The following CDKN2B-AS1 variants were observed in gnomAD, a reference collection of about 807,000 sequenced individuals.
CDKN2B-AS1 encodes the protein CDKN2B antisense RNA 1 (non-protein coding).
chr9:22,004,093 A>C (rs1228362561), intron 1 of CDKN2B-AS1: 2 of 232,412 alleles, frequency 8.6e-6, no homozygotes, highest in South Asian at 3.6e-4. Context: ...CCTATCTCTC[A>C]GGTTTAAATA....
chr9:22,101,887 A>G (rs1448130455), intron 4 of CDKN2B-AS1, among the ~76,000 whole-genome samples: 1 of 152,200 alleles, frequency 6.6e-6, no homozygotes, highest in Non-Finnish European at 1.5e-5. Flanking sequence ...TGGGTTTTGA[A>G]GGAGGACAAC....
chr9:22,113,619 A>G (rs1448661868), intron 4 of CDKN2B-AS1: 1 of 152,092 alleles, frequency 6.6e-6, no homozygotes, highest in Admixed American at 6.6e-5. Flanking sequence ...CAGTCTCACT[A>G]TTTGCAAAAG....
chr9:22,057,780 C>G (rs987035258), intron 4 of CDKN2B-AS1, among the ~76,000 whole-genome samples: 13 of 151,502 alleles, frequency 8.6e-5, no homozygotes, highest in African/African-American at 3.2e-4. Context: ...GCACTCCAGC[C>G]TGGGCGATAG....
chr9:22,023,789 A>T (rs886673150), intron 1 of CDKN2B-AS1, among the ~76,000 whole-genome samples: 2 of 152,182 alleles, frequency 1.3e-5, no homozygotes, highest in African/African-American at 2.4e-5. Flanking sequence ...CTATCAAGTC[A>T]GTTACATTCT....
chr9:22,085,431 C>A (rs536240887), intron 4 of CDKN2B-AS1, among the ~76,000 whole-genome samples: 2 of 152,114 alleles, frequency 1.3e-5, no homozygotes, highest in Non-Finnish European at 2.9e-5. Flanking sequence ...ATAAAAGTTC[C>A]CTCTCTGGCC....
intron 1 of CDKN2B-AS1, among the ~76,000 whole-genome samples, chr9:22,019,291 A>G (rs1169380314): frequency 6.6e-6 from 1 of 152,206 alleles, no homozygotes; most frequent in Non-Finnish European, 1.5e-5. Context: ...CTTGGAATGC[A>G]TTTTGGAGAA....
At position 22,076,082 on chromosome 9, in the gene CDKN2B-AS1, T is replaced by G. The variant is rs565801366; in HGVS notation, n.438+19695T>G. ...TTATTTTATTTTTTTTAATGGAGTC[T>G]TGCTCTTGTCATCCAGGCTGGAGTG... On this transcript the variant is annotated intron_variant and non_coding_transcript_variant, in intron 4 of 4. Transcript: ENST00000650946. 5.3e-5 allele frequency among the ~76,000 whole-genome samples: 8 copies of G among 152,208 alleles called. No individual in the cohort carries two copies. The South Asian group carries it at 1.7e-3, about 32-fold the overall frequency.
intron 4 of CDKN2B-AS1, among the ~76,000 whole-genome samples, chr9:22,100,598 C>T (rs1825449331): frequency 6.6e-6 from 1 of 151,964 alleles, no homozygotes; most frequent in South Asian, 2.1e-4. Flanking sequence ...TGCTTTTTGA[C>T]TTTTATGAAT....
intron 4 of CDKN2B-AS1, among the ~76,000 whole-genome samples, chr9:22,085,957 T>C (rs1007437710): frequency 1.3e-5 from 2 of 151,896 alleles, no homozygotes; most frequent in South Asian, 2.1e-4. Context: ...CTTAAGTATT[T>C]GGCAACACAA....
At chr9:22,099,907 T>C (rs929671298) in intron 4 of CDKN2B-AS1, among the ~76,000 whole-genome samples, 3 of 152,178 alleles carry the variant, frequency 2.0e-5, no homozygotes, top group South Asian at 2.1e-4. Context: ...TGGCTTTTAG[T>C]GGGGGGCATT....
chr9:22,046,680 T>C (rs1823123354), intron 1 of CDKN2B-AS1: 1 of 152,144 alleles, frequency 6.6e-6, no homozygotes, highest in Non-Finnish European at 1.5e-5. Context: ...TTAGGAAATA[T>C]CTGCTGTGTT....
intron 1 of CDKN2B-AS1, among the ~76,000 whole-genome samples, chr9:22,033,614 A>G (rs1414352835): frequency 6.6e-6 from 1 of 152,182 alleles, no homozygotes; most frequent in Non-Finnish European, 1.5e-5. Flanking sequence ...TAGATTAGAA[A>G]GTTGAAAGTT....
intron 1 of CDKN2B-AS1, among the ~76,000 whole-genome samples, chr9:22,035,635 G>A (rs1822657601): frequency 6.6e-6 from 1 of 152,120 alleles, no homozygotes; most frequent in African/African-American, 2.4e-5. Context: ...TATATTGGCT[G>A]CTTCTCCGAG....
intron 1 of CDKN2B-AS1, among the ~76,000 whole-genome samples, chr9:22,035,525 G>C (rs1822653522): frequency 6.6e-6 from 1 of 152,120 alleles, no homozygotes; most frequent in African/African-American, 2.4e-5. Context: ...GACTAGCCCT[G>C]GTGGCCCTGT....
At chr9:22,020,106 A>T (rs2131220705) in intron 1 of CDKN2B-AS1, among the ~76,000 whole-genome samples, 2 of 152,220 alleles carry the variant, frequency 1.3e-5, no homozygotes, top group Middle Eastern at 6.8e-3. Flanking sequence ...TTCCACTTAT[A>T]AGTGAGAACA....
chr9:22,018,707 G>A (rs547876993), intron 1 of CDKN2B-AS1, among the ~76,000 whole-genome samples: 2 of 152,250 alleles, frequency 1.3e-5, no homozygotes, highest in East Asian at 1.9e-4. Flanking sequence ...GCGCCAACAT[G>A]TTTATATCCT....
chr9:22,021,902 T>C (rs2131224473), intron 1 of CDKN2B-AS1, among the ~76,000 whole-genome samples: 1 of 152,306 alleles, frequency 6.6e-6, no homozygotes, highest in Middle Eastern at 3.4e-3. Flanking sequence ...CTGCCTTAAT[T>C]TGATTGTTTA....
chr9:22,097,736 G>A (rs1323484169), intron 4 of CDKN2B-AS1, among the ~76,000 whole-genome samples: 1 of 152,210 alleles, frequency 6.6e-6, no homozygotes, highest in Non-Finnish European at 1.5e-5. Context: ...CAGGTAGCAG[G>A]TAGTGCTAAA....
chr9:22,024,281 C>G (rs1822137122), intron 1 of CDKN2B-AS1, among the ~76,000 whole-genome samples: 1 of 152,212 alleles, frequency 6.6e-6, no homozygotes, highest in Non-Finnish European at 1.5e-5. Context: ...CAACTTTGTT[C>G]TCTGGTTCCT....
Sources: gnomAD v4.1 joint callset for allele counts (sites outside exome capture counted in the v4.1 genomes callset) on GRCh38, gnomAD v4.1.1 for gene constraint, MANE v1.5 for transcripts, NCBI Gene and HGNC (gene_info 2026-07-23, HGNC 2026-07-21) for gene names.